Variants in CALN1 observed in about 807,000 individuals in gnomAD.
The protein encoded by CALN1 is calneuron 1.
CALN1 carries 17 observed loss-of-function variants against 30.6 expected under a neutral mutation model. The observed-to-expected ratio is 0.56, with a 90% CI of 0.38 to 0.83. The LOEUF is 0.83. CALN1 is among the 40% of genes least tolerant of loss of function. The probability of loss-of-function intolerance (pLI) is 0.00; values close to 1 mark genes in which losing one functional copy is unlikely to be tolerated. For missense variants in CALN1, 291 were observed against 354.9 expected (o/e 0.82, Z 1.45); for synonymous variants, 156 against 131.4 (o/e 1.19, Z -1.28).
At chr7:72,074,041 G>A (rs1258245785) in intron 4 of CALN1, among the ~76,000 whole-genome samples, 2 of 152,140 alleles carry the variant, frequency 1.3e-5, no homozygotes, top group Non-Finnish European at 2.9e-5. Context: ...TTAGGTGCAA[G>A]GAGTCGGATA....
intron 5 of CALN1, among the ~76,000 whole-genome samples, chr7:71,936,025 T>G (rs1462911936): frequency 2.0e-5 from 3 of 152,162 alleles, no homozygotes; most frequent in Non-Finnish European, 4.4e-5. Flanking sequence ...GCAGAGCATT[T>G]GGGATGTTCT....
intron 3 of CALN1, among the ~76,000 whole-genome samples, chr7:72,153,387 G>A (rs1182159308): frequency 6.6e-6 from 1 of 152,064 alleles, no homozygotes; most frequent in Admixed American, 6.6e-5. Flanking sequence ...TGGATTTCTG[G>A]AAAGTTGTCA....
the CALN1 span, among the ~76,000 whole-genome samples, chr7:72,498,589 A>G: frequency 2.0e-5 from 3 of 152,206 alleles, no homozygotes; most frequent in South Asian, 6.2e-4. Flanking sequence ...CTATTCTTCA[A>G]AAATGAATGC....
At chr7:72,282,082 A>G (rs1797768726) in intron 2 of CALN1, among the ~76,000 whole-genome samples, 1 of 152,194 alleles carries the variant, frequency 6.6e-6, no homozygotes, top group African/African-American at 2.4e-5. Flanking sequence ...CAAGAAAGGG[A>G]AGAACATTAT....
In CALN1 at chr7:72,371,226, G is replaced by C. The variant is rs117378958; in HGVS notation, c.119+32025C>G. On this transcript the variant is annotated intron_variant, in intron 2 of 6. Coordinates refer to ENST00000395275, the MANE Select transcript of CALN1 (RefSeq NM_031468.4). ...TTATGATATCATGCTTTACATTTAA[G>C]TCTGTGATCCATTTTGAATTAAGTT... Among the ~76,000 whole-genome samples the C allele has an allele frequency of 5.2e-4, 79 of 152,190 alleles. No homozygotes were observed. In the East Asian group the frequency reaches 0.011, roughly 22 times the overall value.
intron 5 of CALN1, among the ~76,000 whole-genome samples, chr7:71,854,677 T>C (rs1367618243): frequency 2.0e-5 from 3 of 152,212 alleles, no homozygotes; most frequent in Non-Finnish European, 2.9e-5. Flanking sequence ...ACAGTGCAAT[T>C]AGATGCAGTT....
chr7:72,369,042 T>A (rs1260386394), intron 2 of CALN1, among the ~76,000 whole-genome samples: 1 of 151,554 alleles, frequency 6.6e-6, no homozygotes, highest in Non-Finnish European at 1.5e-5. Flanking sequence ...CTCGAACTCC[T>A]GACCTCAAGT....
intron 3 of CALN1, among the ~76,000 whole-genome samples, chr7:72,150,783 G>A (rs918490793): frequency 1.3e-5 from 2 of 152,084 alleles, no homozygotes; most frequent in East Asian, 1.9e-4. Flanking sequence ...AACATCAATC[G>A]TGTAAGTTTA....
chr7:72,360,661 T>C (rs1055361341), intron 2 of CALN1, among the ~76,000 whole-genome samples: 3 of 149,006 alleles, frequency 2.0e-5, no homozygotes, highest in East Asian at 4.0e-4. Flanking sequence ...CGTGCAGATT[T>C]GTTACATATG....
intron 5 of CALN1, among the ~76,000 whole-genome samples, chr7:71,971,360 G>C (rs974012833): frequency 6.6e-6 from 1 of 152,148 alleles, no homozygotes; most frequent in Non-Finnish European, 1.5e-5. Context: ...TGAGGCAGGA[G>C]AATCGCTTGA....
At chr7:72,109,844 A>G (rs1807436843) in intron 3 of CALN1, among the ~76,000 whole-genome samples, 1 of 152,096 alleles carries the variant, frequency 6.6e-6, no homozygotes, top group Non-Finnish European at 1.5e-5. Context: ...AAGCTGGTGC[A>G]GCCTTCCCCC....
intron 3 of CALN1, among the ~76,000 whole-genome samples, chr7:72,154,198 GCTT>G (rs769115910): frequency 5.3e-5 from 8 of 151,208 alleles, no homozygotes; most frequent in Non-Finnish European, 1.2e-4. Flanking sequence ...CAGACAAACT[GCTT>G]CTTTTAACTA....
chr7:72,113,708 T>C (rs939361789), intron 3 of CALN1, among the ~76,000 whole-genome samples: 3 of 152,244 alleles, frequency 2.0e-5, no homozygotes, highest in African/African-American at 7.2e-5. Flanking sequence ...TTTTGTGCTA[T>C]ACCAGCAGAA....
intron 5 of CALN1, among the ~76,000 whole-genome samples, chr7:71,994,094 TATAAA>T (rs1308538243): frequency 1.3e-5 from 2 of 152,180 alleles, no homozygotes; most frequent in African/African-American, 4.8e-5. Context: ...CAACCCCTAC[TATAAA>T]AATTTTTAAG....
chr7:72,399,983 T>G (rs1035218705), intron 2 of CALN1, among the ~76,000 whole-genome samples: 1 of 152,134 alleles, frequency 6.6e-6, no homozygotes, highest in Non-Finnish European at 1.5e-5. Flanking sequence ...TGCTCCCCCT[T>G]TGCGTTCCAC....
At chr7:72,208,242 T>C (rs979229717) in intron 3 of CALN1, among the ~76,000 whole-genome samples, 1 of 152,338 alleles carries the variant, frequency 6.6e-6, no homozygotes, top group Admixed American at 6.5e-5. Context: ...CCTGGTTTTA[T>C]GATATTCTTA....
chr7:71,788,302 G>A (rs572832602), intron 6 of CALN1, among the ~76,000 whole-genome samples: 1 of 152,092 alleles, frequency 6.6e-6, no homozygotes, highest in Admixed American at 6.5e-5. Context: ...TACAAACAGA[G>A]TGGAAGTTCA....
At chr7:72,271,371 G>A (rs1475098673) in intron 3 of CALN1, among the ~76,000 whole-genome samples, 1 of 151,384 alleles carries the variant, frequency 6.6e-6, no homozygotes, top group Non-Finnish European at 1.5e-5. Flanking sequence ...ATCTATAGAG[G>A]TTTAGGAATG....
At chr7:71,983,040 A>G (rs1205314575) in intron 5 of CALN1, among the ~76,000 whole-genome samples, 2 of 152,182 alleles carry the variant, frequency 1.3e-5, no homozygotes, top group African/African-American at 4.8e-5. Context: ...CTCACACTAT[A>G]TAAACATCAC....
Sources: allele counts gnomAD v4.1 joint callset (sites outside exome capture counted in the v4.1 genomes callset), GRCh38; gene constraint gnomAD v4.1.1; transcripts MANE v1.5; gene names NCBI Gene and HGNC (gene_info 2026-07-23, HGNC 2026-07-21).